KCNT2: variants seen among roughly 807,000 people sequenced by gnomAD.
The protein encoded by KCNT2 is potassium channel subfamily T member 2.
In KCNT2, 67 loss-of-function variants were observed where a neutral mutation model predicts 153.8. The ratio of observed to expected loss-of-function variants is 0.44; its 90% CI spans 0.36 to 0.53. The LOEUF is 0.53. KCNT2 is among the 20% of genes least tolerant of loss of function. The pLI is 0.00. For synonymous variants in KCNT2, 500 were observed against 458.8 expected, an observed-to-expected ratio of 1.09 and a Z score of -1.15; for missense variants, 975 against 1,354.8, an observed-to-expected ratio of 0.72 and a Z score of 4.40.
rs1316153556 is a variant in KCNT2, at chr1:196,581,469, T to C, written c.95+26746A>G. On this transcript the variant is annotated intron_variant, in intron 1 of 27. Transcript: ENST00000294725. The stretch of plus-strand genomic sequence containing the variant: ...ATAAAGGGTTTTACTTGCTCTTTAC[T>C]GAAAATGAATGCCACCGGGTGAATA... Among the ~76,000 whole-genome samples the C allele has an allele frequency of 2.0e-5, 3 of 152,222 alleles. No individual in the cohort carries two copies. The East Asian group carries it at 5.8e-4, about 29-fold the overall frequency.
chr1:196,262,829 C>T (rs1480186533), intron 25 of KCNT2, among the ~76,000 whole-genome samples: 2 of 151,960 alleles, frequency 1.3e-5, no homozygotes, highest in African/African-American at 4.8e-5. Flanking sequence ...AATTTGGAAT[C>T]AAATAAATAA....
At chr1:196,518,600 A>G (rs902524024) in intron 1 of KCNT2, among the ~76,000 whole-genome samples, 1 of 152,132 alleles carries the variant, frequency 6.6e-6, no homozygotes, top group African/African-American at 2.4e-5. Flanking sequence ...AAGCAAATAG[A>G]AATCAGAAAA....
chr1:196,427,028 G>T (rs1673715456), intron 10 of KCNT2, among the ~76,000 whole-genome samples: 1 of 151,832 alleles, frequency 6.6e-6, no homozygotes, highest in Non-Finnish European at 1.5e-5. Flanking sequence ...TCCTCTCTCA[G>T]GTAATTCTTT....
intron 14 of KCNT2, among the ~76,000 whole-genome samples, chr1:196,346,249 C>T (rs116758561): frequency 0.05 from 7,548 of 152,180 alleles, 284 homozygotes; most frequent in Non-Finnish European, 0.072. Flanking sequence ...GTCTACATTA[C>T]ATAAGCTTCC....
chr1:196,314,672 T>C (rs1662531886), intron 21 of KCNT2, among the ~76,000 whole-genome samples: 2 of 151,654 alleles, frequency 1.3e-5, no homozygotes. Context: ...CAGCATTTTA[T>C]AGATGAGAAA....
intron 5 of KCNT2, among the ~76,000 whole-genome samples, chr1:196,470,867 T>G (rs1265174726): frequency 8.0e-6 from 1 of 124,660 alleles, no homozygotes; most frequent in African/African-American, 3.0e-5. Flanking sequence ...GACCCTAATT[T>G]CTTTCTTTCT....
chr1:196,311,091 T>C (rs977467360), intron 21 of KCNT2, among the ~76,000 whole-genome samples: 1 of 151,862 alleles, frequency 6.6e-6, no homozygotes, highest in South Asian at 2.1e-4. Context: ...CAGGAAGACA[T>C]TCCCTGACCC....
At chr1:196,482,259 T>C in intron 4 of KCNT2, 72 bp downstream of exon 4, 1 of 910,506 alleles carries the variant, frequency 1.1e-6, no homozygotes, top group Admixed American at 2.5e-5. Flanking sequence ...CATCAAAAGC[T>C]CTCCAATAGT....
chr1:196,234,574 A>G (rs1340514912), intron 27 of KCNT2, among the ~76,000 whole-genome samples: 1 of 151,142 alleles, frequency 6.6e-6, no homozygotes, highest in African/African-American at 2.4e-5. Flanking sequence ...ACCCTAACCC[A>G]TCCTATCAGT....
At chr1:196,411,446 T>A (rs1212316320) in intron 12 of KCNT2, among the ~76,000 whole-genome samples, 4 of 96,302 alleles carry the variant, frequency 4.2e-5, no homozygotes, top group Non-Finnish European at 6.2e-5. Context: ...CTATTCCAGT[T>A]AAAAAAAAAA....
At chr1:196,324,571 A>G (rs1335500041) in intron 19 of KCNT2, among the ~76,000 whole-genome samples, 1 of 152,066 alleles carries the variant, frequency 6.6e-6, no homozygotes, top group Non-Finnish European at 1.5e-5. Flanking sequence ...TAAATATGTG[A>G]CTTGTGCAAC....
Position 196,413,598 on chromosome 1 carries a change from G to A in KCNT2, c.1185+9452C>T, listed in dbSNP as rs74136540. ...ATTCTGGGCATCTTCTTTAAAAAGC[G>A]TATGTCATGTGCTTTATTGTTTTAA... On this transcript the variant is annotated intron_variant, in intron 12 of 27. Transcript: ENST00000294725. Among the ~76,000 whole-genome samples, 451 of 151,652 alleles carry A rather than the reference G, an allele frequency of 3.0e-3. 3 individuals carry two copies. Among genetic ancestry groups the A allele is most frequent in the African/African-American group, 0.01 (424 of 41,466 alleles).
rs189344371 is a variant in KCNT2, at chr1:196,506,206, A to G, written c.96-13865T>C. ...ATGCATTTGATTACCAGGTCTGATA[A>G]CTATTCTCTGTAAAATGCAGGTATT... is the stretch of plus-strand genomic sequence containing the variant. On this transcript the variant is annotated intron_variant, in intron 1 of 27. Coordinates refer to ENST00000294725, the MANE Select transcript of KCNT2 (RefSeq NM_198503.5). 1.1e-3 allele frequency among the ~76,000 whole-genome samples: 167 copies of G among 152,304 alleles called. No individual in the cohort carries two copies. The East Asian group carries it at 0.028, about 26-fold the overall frequency.
At chr1:196,500,705 A>C (rs1225063912) in intron 1 of KCNT2, among the ~76,000 whole-genome samples, 1 of 152,308 alleles carries the variant, frequency 6.6e-6, no homozygotes, top group East Asian at 1.9e-4. Flanking sequence ...ACAAATAGGA[A>C]TTAATTAAAC....
intron 12 of KCNT2, among the ~76,000 whole-genome samples, chr1:196,416,075 C>T (rs1015996363): frequency 6.6e-6 from 1 of 152,008 alleles, no homozygotes; most frequent in Non-Finnish European, 1.5e-5. Flanking sequence ...CACCCTGTCC[C>T]ACCCAGGACA....
intron 13 of KCNT2, among the ~76,000 whole-genome samples, chr1:196,381,916 T>C (rs1418675864): frequency 6.6e-6 from 1 of 152,102 alleles, no homozygotes; most frequent in African/African-American, 2.4e-5. Flanking sequence ...GAATGACTGA[T>C]TCAAAAATAT....
At chr1:196,269,696 T>C (rs1181407106) in intron 25 of KCNT2, among the ~76,000 whole-genome samples, 1 of 152,124 alleles carries the variant, frequency 6.6e-6, no homozygotes, top group East Asian at 1.9e-4. Flanking sequence ...ATACCTATTG[T>C]TATAAAGACA....
chr1:196,437,015 T>A (rs1397321869), intron 8 of KCNT2, among the ~76,000 whole-genome samples: 3 of 107,516 alleles, frequency 2.8e-5, no homozygotes, highest in Non-Finnish European at 6.0e-5. Flanking sequence ...AATATACATA[T>A]ATTTATATAC....
At chr1:196,258,864 TA>T (rs1308202985) in intron 25 of KCNT2, among the ~76,000 whole-genome samples, 3 of 152,170 alleles carry the variant, frequency 2.0e-5, no homozygotes, top group Non-Finnish European at 4.4e-5. Flanking sequence ...AAAATCCATG[TA>T]ATGGACTTTT....
Sources: allele counts gnomAD v4.1 joint callset (sites outside exome capture counted in the v4.1 genomes callset), GRCh38; gene constraint gnomAD v4.1.1; transcripts MANE v1.5; gene names NCBI Gene and HGNC (gene_info 2026-07-23, HGNC 2026-07-21).